The following STK33 variants were observed in gnomAD, a reference collection of about 807,000 sequenced individuals.
STK33 encodes serine/threonine-protein kinase 33.
A neutral mutation model predicts 58.0 loss-of-function variants in STK33; 52 were observed. The observed-to-expected ratio is 0.90, with a 90% confidence interval of 0.72 to 1.13. The LOEUF is 1.13. Ranked by LOEUF, STK33 falls within the 50% of genes most tolerant of loss-of-function variation. The pLI, the probability that STK33 is intolerant of heterozygous loss-of-function variation, is 0.00. For missense variants in STK33, 630 were observed against 604.2 expected (o/e 1.04, Z -0.45); for synonymous variants, 215 against 200.1 (o/e 1.07, Z -0.63).
At chr11:8,421,671 T>A (rs1472421958) in intron 14 of STK33, among the ~76,000 whole-genome samples, 2 of 152,188 alleles carry the variant, frequency 1.3e-5, no homozygotes, top group South Asian at 2.1e-4. Context: ...ACGGGAAAAA[T>A]TAATTTTTGA....
chr11:8,516,189 T>C (rs1205267334), intron 1 of STK33, among the ~76,000 whole-genome samples: 1 of 152,198 alleles, frequency 6.6e-6, no homozygotes, highest in Non-Finnish European at 1.5e-5. Context: ...AAGAATATAA[T>C]ACTGCCATAA....
At position 8,553,203 on chromosome 11, in the gene STK33, A is replaced by G. The variant is rs60967789; in HGVS notation, c.-466+40880T>C. On this transcript the variant is annotated intron_variant, in intron 1 of 15. Coordinates refer to ENST00000687296, the MANE Select transcript of STK33 (RefSeq NM_001352389.2). The stretch of plus-strand genomic sequence containing the variant: ...ATATATATATATATATATATGGTGT[A>G]TATATATATATATATATATATGGTG... Among the ~76,000 whole-genome samples the G allele has an allele frequency of 7.0e-3, 512 of 72,670 alleles. 4 individuals carry two copies. Among genetic ancestry groups the G allele is most frequent in the Non-Finnish European group, 9.8e-3 (389 of 39,518 alleles). The allele number at this position is 72,670 out of a possible 152,430, so 47.7% of individuals were successfully genotyped here.
chr11:8,341,115 C>CT, the STK33 span, among the ~76,000 whole-genome samples: 129,243 of 152,170 alleles, frequency 0.85, 55,089 homozygotes, highest in East Asian at 0.93. Flanking sequence ...GCCCGGGCCT[C>CT]CAAAGTGCTG....
At chr11:8,351,191 T>C in the STK33 span, among the ~76,000 whole-genome samples, 1 of 152,002 alleles carries the variant, frequency 6.6e-6, no homozygotes, top group Non-Finnish European at 1.5e-5. Flanking sequence ...TCCCTAGTCC[T>C]GACAATTCTA....
the STK33 span, among the ~76,000 whole-genome samples, chr11:8,358,638 G>C: frequency 6.6e-6 from 1 of 152,214 alleles, no homozygotes. Flanking sequence ...CAGTGAGAGG[G>C]GGCGGGTGCT....
downstream of STK33, among the ~76,000 whole-genome samples, chr11:8,388,737 G>C (rs987249921): frequency 1.3e-5 from 2 of 152,124 alleles, no homozygotes; most frequent in African/African-American, 4.8e-5. Context: ...CTCCTCCCAG[G>C]TTCTGTTGGC....
intron 4 of STK33, 67 bp from the exon 5 acceptor site, chr11:8,475,133 A>G: frequency 4.7e-6 from 2 of 421,638 alleles, no homozygotes; most frequent in Non-Finnish European, 8.3e-6. Flanking sequence ...GAAATCAGAG[A>G]AAAGCTAGCA....
At chr11:8,362,005 G>C in the STK33 span, among the ~76,000 whole-genome samples, 1 of 152,200 alleles carries the variant, frequency 6.6e-6, no homozygotes, top group Admixed American at 6.5e-5. Context: ...CATTGCCCCA[G>C]ATGTGACATC....
chr11:8,545,206 C>A (rs1332163105), intron 1 of STK33, among the ~76,000 whole-genome samples: 1 of 152,164 alleles, frequency 6.6e-6, no homozygotes, highest in East Asian at 1.9e-4. Flanking sequence ...TCAAAACAAT[C>A]AAAATAAATC....
At chr11:8,498,854 G>A (rs1181329162) in intron 1 of STK33, among the ~76,000 whole-genome samples, 1 of 152,152 alleles carries the variant, frequency 6.6e-6, no homozygotes, top group Non-Finnish European at 1.5e-5. Context: ...TTTAATAAAT[G>A]GTGTTGGGCA....
At chr11:8,481,368 C>T (rs923537436) in intron 1 of STK33, among the ~76,000 whole-genome samples, 3 of 152,198 alleles carry the variant, frequency 2.0e-5, no homozygotes, top group Non-Finnish European at 4.4e-5. Context: ...GAACTGTGAG[C>T]CCCTCCAGGG....
intron 1 of STK33, among the ~76,000 whole-genome samples, chr11:8,500,413 G>A (rs536541043): frequency 1.3e-5 from 2 of 151,930 alleles, no homozygotes; most frequent in Non-Finnish European, 2.9e-5. Flanking sequence ...TAAAAAATCA[G>A]TTGTAGTTCT....
At chr11:8,359,515 C>A in the STK33 span, among the ~76,000 whole-genome samples, 61 of 152,334 alleles carry the variant, frequency 4.0e-4, no homozygotes, top group Admixed American at 2.0e-3. Flanking sequence ...GAAGCCCAGA[C>A]CCCATGTCTT....
At chr11:8,571,829 T>C (rs766850187) in intron 1 of STK33, among the ~76,000 whole-genome samples, 8 of 141,516 alleles carry the variant, frequency 5.7e-5, no homozygotes, top group Non-Finnish European at 1.1e-4. Flanking sequence ...CGAGACCCAG[T>C]CTCAAAAAAA....
chr11:8,503,206 T>C (rs1407013683), intron 1 of STK33, among the ~76,000 whole-genome samples: 1 of 152,136 alleles, frequency 6.6e-6, no homozygotes, highest in Non-Finnish European at 1.5e-5. Context: ...AGCAAAGACA[T>C]GGAATCAACC....
At chr11:8,537,578 G>A (rs1006495397) in intron 1 of STK33, among the ~76,000 whole-genome samples, 1 of 152,008 alleles carries the variant, frequency 6.6e-6, no homozygotes, top group Non-Finnish European at 1.5e-5. Flanking sequence ...GTGATTTTCT[G>A]TAGTACACAT....
chr11:8,431,662 A>C (rs901629535), intron 14 of STK33, among the ~76,000 whole-genome samples: 1 of 152,216 alleles, frequency 6.6e-6, no homozygotes, highest in Admixed American at 6.5e-5. Context: ...TGAGTGATTG[A>C]TGTCCTATTT....
At chr11:8,443,637 C>A (rs966214628) in intron 11 of STK33, among the ~76,000 whole-genome samples, 15 of 148,744 alleles carry the variant, frequency 1.0e-4, no homozygotes, top group Admixed American at 8.7e-4. Flanking sequence ...GGAAAATATA[C>A]AGCCTCCAAT....
intron 14 of STK33, among the ~76,000 whole-genome samples, chr11:8,425,855 T>G (rs901517355): frequency 2.0e-5 from 3 of 152,116 alleles, no homozygotes; most frequent in Non-Finnish European, 2.9e-5. Context: ...GTGGCTCGCT[T>G]CTTCTGTGTC....
Sources: gnomAD v4.1 joint callset for allele counts (sites outside exome capture counted in the v4.1 genomes callset) on GRCh38, gnomAD v4.1.1 for gene constraint, MANE v1.5 for transcripts, NCBI Gene and HGNC (gene_info 2026-07-23, HGNC 2026-07-21) for gene names.